CRTAC1: variants seen among roughly 807,000 people sequenced by gnomAD.
CRTAC1 encodes cartilage acidic protein 1.
In CRTAC1, 37 loss-of-function variants were observed where a neutral mutation model predicts 67.8. That is an observed-to-expected ratio of 0.55 (90% CI 0.42 to 0.72). The LOEUF is 0.72. Ranked by LOEUF, CRTAC1 falls within the 30% of genes least tolerant of loss-of-function variation. The pLI is 0.00. For missense variants in CRTAC1, 780 were observed against 931.6 expected (o/e 0.84, Z 2.12); for synonymous variants, 348 against 371.0 (o/e 0.94, Z 0.71).
intron 2 of CRTAC1, among the ~76,000 whole-genome samples, chr10:97,997,016 A>G (rs1343328594): frequency 7.0e-6 from 1 of 142,736 alleles, no homozygotes; most frequent in African/African-American, 2.6e-5. Flanking sequence ...GTTCTCACTC[A>G]TAAGTGGGAA....
chr10:97,904,401 T>C (rs1325050943), intron 7 of CRTAC1, among the ~76,000 whole-genome samples: 3 of 151,974 alleles, frequency 2.0e-5, no homozygotes, highest in Non-Finnish European at 2.9e-5. Flanking sequence ...GGAGAGGCCC[T>C]TTCTTTTTAT....
chr10:97,981,324 T>C (rs1181901498), intron 2 of CRTAC1, among the ~76,000 whole-genome samples: 1 of 152,206 alleles, frequency 6.6e-6, no homozygotes. Context: ...AATACTTCAG[T>C]GTATTTCCTT....
intron 2 of CRTAC1, among the ~76,000 whole-genome samples, chr10:97,945,197 G>A (rs1211895195): frequency 6.6e-6 from 1 of 152,136 alleles, no homozygotes. Context: ...CAGTAGGCAG[G>A]TCTCCCCAAG....
At chr10:97,871,207 C>T (rs898708428) in intron 14 of CRTAC1, 3 of 152,222 alleles carry the variant, frequency 2.0e-5, no homozygotes, top group African/African-American at 7.2e-5. Context: ...GTCATTTCAG[C>T]ATCTGCTGGA....
chr10:97,970,823 C>T (rs543886779), intron 2 of CRTAC1, among the ~76,000 whole-genome samples: 76 of 152,304 alleles, frequency 5.0e-4, no homozygotes, highest in African/African-American at 1.8e-3. Flanking sequence ...CACAGACGGG[C>T]AGTGCTACAA....
At chr10:97,965,118 G>C (rs2051594036) in intron 2 of CRTAC1, among the ~76,000 whole-genome samples, 1 of 152,224 alleles carries the variant, frequency 6.6e-6, no homozygotes, top group Non-Finnish European at 1.5e-5. Flanking sequence ...CTGGGTGTCA[G>C]AGCTGAGATC....
chr10:97,951,274 G>T (rs1199444266), intron 2 of CRTAC1, among the ~76,000 whole-genome samples: 2 of 152,156 alleles, frequency 1.3e-5, no homozygotes, highest in East Asian at 1.9e-4. Context: ...AGCTAGTGGG[G>T]GTAGGACTGG....
chr10:97,880,284 C>T lies in CRTAC1; in HGVS notation c.1784G>A (p.Gly595Asp), dbSNP rs761301141. Residue 595 changes from glycine (G) to aspartate (D), a missense_variant, in exon 14 of 15, where the codon GGC becomes GAC. Physicochemically the swap from Gly to Asp is moderately conservative, Grantham distance 94. Transcript: ENST00000370597. ...TGTGCCATCCTCGTTGGGCTCGTAG[C>T]CCCGACTGCACTTCTTGTTGGTCCG... Reference protein sequence around the residue: ...RCRTNKKCSRGYEPNEDGTAC... With the variant: ...RCRTNKKCSRDYEPNEDGTAC... 19 of 1,614,094 alleles carry T rather than the reference C, an allele frequency of 1.2e-5. No individual in the cohort carries two copies. Among genetic ancestry groups the T allele is most frequent in the Admixed American group, 1.7e-5 (1 of 60,004 alleles).
chr10:98,018,356 G>C (rs1843045280), intron 1 of CRTAC1, among the ~76,000 whole-genome samples: 1 of 151,894 alleles, frequency 6.6e-6, no homozygotes, highest in Admixed American at 6.6e-5. Context: ...GTCCTCATCT[G>C]TACCATGGAG....
chr10:97,952,957 C>T (rs2051382358), intron 2 of CRTAC1, among the ~76,000 whole-genome samples: 1 of 152,192 alleles, frequency 6.6e-6, no homozygotes, highest in Non-Finnish European at 1.5e-5. Flanking sequence ...CAACATGCTG[C>T]CTCCATCCTT....
chr10:97,917,424 T>C (rs2050774694), intron 5 of CRTAC1, 76 bp downstream of exon 5: 2 of 1,247,346 alleles, frequency 1.6e-6, no homozygotes, highest in African/African-American at 3.1e-5. Flanking sequence ...TCTGATGAAT[T>C]AGACTCAGCC....
chr10:97,962,256 G>A (rs994254330), intron 2 of CRTAC1, among the ~76,000 whole-genome samples: 3 of 152,180 alleles, frequency 2.0e-5, no homozygotes, highest in African/African-American at 7.2e-5. Context: ...TGCTGAATAA[G>A]ACTTTAAGGG....
At chr10:97,903,198 G>A (rs1289121165) in intron 7 of CRTAC1, among the ~76,000 whole-genome samples, 1 of 148,464 alleles carries the variant, frequency 6.7e-6, no homozygotes, top group African/African-American at 2.5e-5. Context: ...TTGGCGTTTG[G>A]GACTGGATAA....
At chr10:97,870,814 C>G (rs2050084921) in intron 14 of CRTAC1, 1 of 151,946 alleles carries the variant, frequency 6.6e-6, no homozygotes, top group African/African-American at 2.4e-5. Context: ...GTCCCTGATG[C>G]CTAAGAAAAT....
intron 2 of CRTAC1, among the ~76,000 whole-genome samples, chr10:97,966,758 T>C (rs2051622424): frequency 6.6e-6 from 1 of 152,222 alleles, no homozygotes; most frequent in Non-Finnish European, 1.5e-5. Context: ...TGGACAGCTT[T>C]GAGGGGTACT....
intron 5 of CRTAC1, among the ~76,000 whole-genome samples, chr10:97,914,600 T>A (rs532275696): frequency 3.3e-5 from 5 of 152,216 alleles, no homozygotes; most frequent in African/African-American, 1.2e-4. Flanking sequence ...TAGTTCAATG[T>A]CCTCAGAAAA....
At chr10:97,958,615 A>G (rs1425361133) in intron 2 of CRTAC1, among the ~76,000 whole-genome samples, 3 of 152,160 alleles carry the variant, frequency 2.0e-5, no homozygotes, top group African/African-American at 7.2e-5. Context: ...CATAGAGAAT[A>G]TTAGGGTTCA....
rs200082728 is a variant in CRTAC1 at position 98,011,130 on chromosome 10, G to T, written c.224+8C>A. The T allele has an allele frequency of 8.1e-6, 13 of 1,612,606 alleles. No homozygotes were observed. The highest frequency in any genetic ancestry group is 1.7e-4 in the Middle Eastern group (1 of 6,054). On this transcript the variant is annotated splice_region_variant and intron_variant, in intron 2 of 14. Coordinates refer to ENST00000370597, the MANE Select transcript of CRTAC1 (RefSeq NM_018058.7). ...ATATCTGTCACACTGAGGGTGGGAG[G>T]CACTTACCCCGCCACGACGATCTCA... is the stretch of plus-strand genomic sequence containing the variant.
intron 2 of CRTAC1, among the ~76,000 whole-genome samples, chr10:97,980,879 G>A (rs1198924460): frequency 1.3e-5 from 2 of 152,224 alleles, no homozygotes; most frequent in Non-Finnish European, 2.9e-5. Flanking sequence ...GAATAAGAAT[G>A]AATCTGTTGC....
Sources: allele counts gnomAD v4.1 joint callset (sites outside exome capture counted in the v4.1 genomes callset), GRCh38; gene constraint gnomAD v4.1.1; transcripts MANE v1.5; gene names NCBI Gene and HGNC (gene_info 2026-07-23, HGNC 2026-07-21).